GXYLT2: variants seen among roughly 807,000 people sequenced by gnomAD.
The protein encoded by GXYLT2 is glucoside xylosyltransferase 2, also known as glycosyltransferase 8 domain containing 4.
In GXYLT2, 53 loss-of-function variants were observed where a neutral mutation model predicts 45.8. That is an observed-to-expected ratio of 1.16 (90% CI 0.93 to 1.46). The LOEUF (loss-of-function observed/expected upper bound fraction) is 1.46. Ranked by LOEUF, GXYLT2 falls within the 40% of genes most tolerant of loss-of-function variation. The pLI, the probability that GXYLT2 is intolerant of heterozygous loss-of-function variation, is 0.00. For synonymous variants in GXYLT2, 219 were observed against 214.2 expected, an observed-to-expected ratio of 1.02 and a Z score of -0.19; for missense variants, 551 against 544.4, an observed-to-expected ratio of 1.01 and a Z score of -0.12.
chr3:72,967,494 A>T (rs1305375527), intron 5 of GXYLT2, 53 bp from the exon 6 acceptor site: 4 of 1,394,704 alleles, frequency 2.9e-6, no homozygotes, highest in Non-Finnish European at 4.0e-6. Flanking sequence ...CCACATGTGC[A>T]TGAGAGCTGG....
At chr3:72,974,409 A>G (rs1711051121) in intron 6 of GXYLT2, among the ~76,000 whole-genome samples, 3 of 152,216 alleles carry the variant, frequency 2.0e-5, no homozygotes. Context: ...CGAGATTACC[A>G]TAGACATACC....
chr3:72,958,630 T>G (rs1005560842), intron 5 of GXYLT2, among the ~76,000 whole-genome samples: 2 of 57,642 alleles, frequency 3.5e-5, no homozygotes, highest in East Asian at 1.1e-3. Flanking sequence ...CACTTGTGGC[T>G]TTTTTTTTTT....
chr3:72,949,789 A>C (rs1710486177), intron 3 of GXYLT2, among the ~76,000 whole-genome samples: 1 of 151,998 alleles, frequency 6.6e-6, no homozygotes, highest in Admixed American at 6.6e-5. Context: ...CTGGGACTAC[A>C]GGTGTGAGCC....
At chr3:72,945,819 G>A (rs1026595057) in intron 3 of GXYLT2, among the ~76,000 whole-genome samples, 1 of 152,172 alleles carries the variant, frequency 6.6e-6, no homozygotes, top group African/African-American at 2.4e-5. Context: ...ACCTACATCA[G>A]CAGATATGAT....
chr3:72,926,665 C>T lies in GXYLT2; in HGVS notation c.600+4330C>T, dbSNP rs145439852. On this transcript the variant is annotated intron_variant, in intron 3 of 6. Transcript: ENST00000389617. ...TAATAGATCTGTACATTTTGCTACA[C>T]GCTGTGAGGAGAGAAATTATGAAGA... is the stretch of plus-strand genomic sequence containing the variant. Among the ~76,000 whole-genome samples, 34 of 152,240 alleles carry T rather than the reference C, an allele frequency of 2.2e-4. No homozygotes were observed. The East Asian group carries it at 3.9e-3, about 17-fold the overall frequency.
At chr3:72,935,525 T>C (rs1304415074) in intron 3 of GXYLT2, among the ~76,000 whole-genome samples, 1 of 152,096 alleles carries the variant, frequency 6.6e-6, no homozygotes, top group East Asian at 1.9e-4. Flanking sequence ...ACATCACATA[T>C]AATGGAAAAA....
chr3:72,923,843 C>T (rs976611831), intron 3 of GXYLT2, among the ~76,000 whole-genome samples: 5 of 152,308 alleles, frequency 3.3e-5, no homozygotes, highest in African/African-American at 1.2e-4. Flanking sequence ...ATTGCTCAGG[C>T]TGATCTTGAA....
chr3:72,898,795 G>A (rs917431019), intron 1 of GXYLT2, among the ~76,000 whole-genome samples: 3 of 151,288 alleles, frequency 2.0e-5, no homozygotes, highest in Admixed American at 1.3e-4. Context: ...GTAATGGTGC[G>A]ATCTCAGCTC....
chr3:72,933,886 A>G (rs1710126779), intron 3 of GXYLT2, among the ~76,000 whole-genome samples: 1 of 152,086 alleles, frequency 6.6e-6, no homozygotes, highest in Non-Finnish European at 1.5e-5. Flanking sequence ...CTCGGGCAAC[A>G]GAGTGAGATC....
At chr3:72,894,730 T>C (rs1425271215) in intron 1 of GXYLT2, among the ~76,000 whole-genome samples, 1 of 152,204 alleles carries the variant, frequency 6.6e-6, no homozygotes, top group East Asian at 1.9e-4. Flanking sequence ...GAGTTTTGGG[T>C]TGCATGAAGA....
intron 5 of GXYLT2, among the ~76,000 whole-genome samples, chr3:72,965,671 T>C (rs2107153300): frequency 6.6e-6 from 1 of 152,324 alleles, no homozygotes; most frequent in African/African-American, 2.4e-5. Context: ...ATTGCTATTG[T>C]TGGGGACTGT....
rs114187269 is a variant in GXYLT2 at position 72,896,549 on chromosome 3, T to G, written c.275+8041T>G. Among the ~76,000 whole-genome samples, 986 of 151,630 alleles carry G rather than the reference T, an allele frequency of 6.5e-3. 14 individuals are homozygous for G. The highest frequency in any genetic ancestry group is 0.023 in the African/African-American group (941 of 41,294). ...CCAATCTCAGTCTCCTGGTACTCAT[T>G]AAAAGCTGAAGGAGTGTGGCCAGGC... On this transcript the variant is annotated intron_variant, in intron 1 of 6. Coordinates refer to ENST00000389617, the MANE Select transcript of GXYLT2 (RefSeq NM_001080393.2).
At chr3:72,959,972 A>G (rs1336325411) in intron 5 of GXYLT2, among the ~76,000 whole-genome samples, 1 of 151,510 alleles carries the variant, frequency 6.6e-6, no homozygotes, top group Non-Finnish European at 1.5e-5. Flanking sequence ...TTGAGACGGA[A>G]TCTCACTCTG....
At chr3:72,947,290 T>C (rs1005754604) in intron 3 of GXYLT2, among the ~76,000 whole-genome samples, 1 of 152,106 alleles carries the variant, frequency 6.6e-6, no homozygotes, top group Middle Eastern at 3.2e-3. Flanking sequence ...TAGGAGCTCA[T>C]TGGCTTTCTA....
At chr3:72,972,805 G>T (rs1450552063) in intron 6 of GXYLT2, among the ~76,000 whole-genome samples, 1 of 148,018 alleles carries the variant, frequency 6.8e-6, no homozygotes, top group African/African-American at 2.5e-5. Flanking sequence ...CATGCAGGTA[G>T]TCCCAGCTAC....
chr3:72,968,243 G>A (rs1283568660), intron 6 of GXYLT2, among the ~76,000 whole-genome samples: 1 of 152,088 alleles, frequency 6.6e-6, no homozygotes, highest in Non-Finnish European at 1.5e-5. Flanking sequence ...CAAAATGTTG[G>A]TATTACAGGT....
intron 6 of GXYLT2, among the ~76,000 whole-genome samples, chr3:72,972,779 A>C (rs2107161689): frequency 6.6e-6 from 1 of 151,418 alleles, no homozygotes; most frequent in African/African-American, 2.4e-5. Flanking sequence ...AAAAAAAAAA[A>C]ATTAGCCTGG....
rs142807067 is a variant in GXYLT2, at chr3:72,896,880, G to A, written c.275+8372G>A. Among the ~76,000 whole-genome samples, 983 of 151,954 alleles carry A rather than the reference G, an allele frequency of 6.5e-3. 13 individuals are homozygous for A. Among genetic ancestry groups the A allele is most frequent in the African/African-American group, 0.023 (938 of 41,422 alleles). On this transcript the variant is annotated intron_variant, in intron 1 of 6. Transcript: ENST00000389617. The stretch of plus-strand genomic sequence containing the variant: ...AAAAAAAAAAAAATGTTTACTAGCA[G>A]TTCAAATCCGTTTTGTAGTAAGGTA...
intron 5 of GXYLT2, among the ~76,000 whole-genome samples, chr3:72,963,186 G>C (rs1452253594): frequency 6.6e-6 from 1 of 152,086 alleles, no homozygotes; most frequent in East Asian, 1.9e-4. Context: ...AAATAAAAAT[G>C]TAGCAAGCCT....
Sources: allele counts gnomAD v4.1 joint callset (sites outside exome capture counted in the v4.1 genomes callset), GRCh38; gene constraint gnomAD v4.1.1; transcripts MANE v1.5; gene names NCBI Gene and HGNC (gene_info 2026-07-23, HGNC 2026-07-21).